UNKL: variants seen among roughly 807,000 people sequenced by gnomAD.
The protein encoded by UNKL is unk like zinc finger.
In UNKL, 60 loss-of-function variants were observed where a neutral mutation model predicts 78.0. The observed-to-expected ratio is 0.77, with a 90% CI of 0.63 to 0.95. UNKL has a LOEUF of 0.95. Among genes scored for constraint, UNKL ranks in the 40% least tolerant of loss-of-function variants. UNKL has a pLI of 0.00. For synonymous variants in UNKL, 608 were observed against 474.8 expected, an observed-to-expected ratio of 1.28 and a Z score of -3.65; for missense variants, 1,159 against 1,045.7, an observed-to-expected ratio of 1.11 and a Z score of -1.49.
At position 1,383,403 on chromosome 16, in the gene UNKL, C is replaced by A. The variant is rs1271537634; in HGVS notation, c.1264+1805G>T. The A allele has an allele frequency of 5.7e-5, 10 of 174,944 alleles. No individual in the cohort carries two copies. The East Asian group carries it at 1.3e-3, about 24-fold the overall frequency. 10.8% of individuals were successfully genotyped at this position (174,944 alleles called of 1,614,324 possible). ...GCCCAGCAGCAACACAGGCCAAGAG[C>A]TGTGCCCAGAAGATGCACCTGGTTG... On this transcript the variant is annotated intron_variant, in intron 10 of 14. Coordinates refer to ENST00000389221, the MANE Select transcript of UNKL (RefSeq NM_001372107.1).
At chr16:1,405,707 G>A (rs894518811) in intron 2 of UNKL, among the ~76,000 whole-genome samples, 10 of 151,938 alleles carry the variant, frequency 6.6e-5, no homozygotes, top group South Asian at 2.1e-4. Context: ...GGGGACGCAC[G>A]AGCCCCCGGG....
chr16:1,386,678 A>C (rs748778090), intron 9 of UNKL, among the ~76,000 whole-genome samples: 20 of 152,194 alleles, frequency 1.3e-4, no homozygotes, highest in Non-Finnish European at 2.9e-5. Context: ...CTCCTTAAGT[A>C]AAACTGTCCA....
At chr16:1,407,018 G>A (rs1396273979) in intron 2 of UNKL, among the ~76,000 whole-genome samples, 3 of 151,770 alleles carry the variant, frequency 2.0e-5, no homozygotes, top group African/African-American at 7.3e-5. Context: ...GCATGGTGGC[G>A]CACGCCTGTA....
chr16:1,389,485 G>A (rs1020622066), intron 9 of UNKL, among the ~76,000 whole-genome samples: 5 of 152,204 alleles, frequency 3.3e-5, no homozygotes, highest in African/African-American at 1.2e-4. Context: ...TGAAGTGGGA[G>A]GACTGCTTCA....
chr16:1,363,426 G>A lies in UNKL; in HGVS notation c.*2814C>T, dbSNP rs116345826. On this transcript the variant is annotated 3_prime_UTR_variant, in exon 15 of 15. Coordinates refer to ENST00000389221, the MANE Select transcript of UNKL (RefSeq NM_001372107.1). ...TCAAACATACAGATTGAGGCTTCCA[G>A]AAATTAATCCACTTGAGGCGTCCAC... 0.1 allele frequency: 36,362 copies of A among 359,132 alleles called. 2,119 individuals are homozygous for A. The highest frequency in any genetic ancestry group is 0.24 in the Middle Eastern group (251 of 1,038). The allele number at this position is 359,132 out of a possible 1,614,324, so 22.2% of individuals were successfully genotyped here. A position where few individuals can be genotyped will look rare whatever the true frequency, so the allele number is the denominator to read the frequency against.
chr16:1,369,059 T>TTTG (rs1390747349), intron 12 of UNKL, among the ~76,000 whole-genome samples: 1 of 113,046 alleles, frequency 8.8e-6, no homozygotes, highest in Non-Finnish European at 1.8e-5. Context: ...GTATTAGTTT[T>TTTG]TTTTTTTTTT....
intron 10 of UNKL, among the ~76,000 whole-genome samples, chr16:1,375,994 GACCACGC>G (rs1464038201): frequency 6.6e-6 from 1 of 152,234 alleles, no homozygotes; most frequent in African/African-American, 2.4e-5. Context: ...AGTGGCAGAG[GACCACGC>G]ACTGAGCGGC....
chr16:1,400,722 CTG>C (rs1190285763), intron 4 of UNKL, among the ~76,000 whole-genome samples: 1 of 151,980 alleles, frequency 6.6e-6, no homozygotes, highest in African/African-American at 2.4e-5. Flanking sequence ...GAGTCTCACT[CTG>C]TCACCCACAC....
chr16:1,406,308 G>A (rs894019325), intron 2 of UNKL, among the ~76,000 whole-genome samples: 10 of 151,874 alleles, frequency 6.6e-5, no homozygotes, highest in Admixed American at 4.6e-4. Flanking sequence ...TGCCTCCTGC[G>A]TTTAAGCGAT....
intron 2 of UNKL, among the ~76,000 whole-genome samples, chr16:1,410,414 C>G (rs1325287766): frequency 6.6e-6 from 1 of 152,176 alleles, no homozygotes; most frequent in African/African-American, 2.4e-5. Context: ...TCGAGACCAG[C>G]CTGACCAACA....
In UNKL at chr16:1,399,135, G is replaced by T; in HGVS notation, c.734+239C>A. On this transcript the variant is annotated intron_variant, in intron 5 of 14. Transcript: ENST00000389221. The surrounding 1 kb of genome is among the most constrained non-coding windows in gnomAD (Gnocchi z 5.8). Reference sequence around the variant, plus strand: ...TCCCCTTGCCTGGCAGAGGGGCCCCGGTAGGGGACTGCATGGGAGACACTG... The same window carrying T: ...TCCCCTTGCCTGGCAGAGGGGCCCCTGTAGGGGACTGCATGGGAGACACTG... The T allele has an allele frequency of 8.7e-7, 1 of 1,146,212 alleles. No individual in the cohort carries two copies. The highest frequency in any genetic ancestry group is 2.6e-5 in the East Asian group (1 of 37,812). The allele number at this position is 1,146,212 out of a possible 1,614,324, so 71.0% of individuals were successfully genotyped here. A position where few individuals can be genotyped will look rare whatever the true frequency, so the allele number is the denominator to read the frequency against.
intron 9 of UNKL, among the ~76,000 whole-genome samples, chr16:1,385,909 C>T (rs746789102): frequency 1.3e-5 from 2 of 152,240 alleles, no homozygotes; most frequent in Non-Finnish European, 2.9e-5. Context: ...CCTGTGACCT[C>T]GTCACCAGGG....
In UNKL at chr16:1,365,403, T is replaced by C. The variant is rs945319922; in HGVS notation, c.*837A>G. The C allele has an allele frequency of 3.3e-5, 5 of 152,288 alleles. No individual in the cohort carries two copies. Among genetic ancestry groups the C allele is most frequent in the Admixed American group, 1.3e-4 (2 of 15,284 alleles). The allele number at this position is 152,288 out of a possible 1,614,324, so 9.4% of individuals were successfully genotyped here. On this transcript the variant is annotated 3_prime_UTR_variant, in exon 15 of 15. Coordinates refer to ENST00000389221, the MANE Select transcript of UNKL (RefSeq NM_001372107.1). ...GGGTTAAGGGAGAAAACAAAACCCA[T>C]GATGCTCCTTCACTTGCTCTCCGAG...
At chr16:1,368,062 T>G in intron 12 of UNKL, 1 of 595,104 alleles carries the variant, frequency 1.7e-6, no homozygotes, top group South Asian at 2.0e-5. Context: ...CAGTGACACC[T>G]GCCCCGGCCG....
At chr16:1,374,362 GTGC>G (rs1337397057) in intron 10 of UNKL, among the ~76,000 whole-genome samples, 2 of 152,192 alleles carry the variant, frequency 1.3e-5, no homozygotes, top group African/African-American at 4.8e-5. Context: ...ACTGGACAGT[GTGC>G]TGCTGAGGCC....
At chr16:1,404,372 C>G (rs1200565411) in intron 2 of UNKL, among the ~76,000 whole-genome samples, 1 of 152,196 alleles carries the variant, frequency 6.6e-6, no homozygotes, top group South Asian at 2.1e-4. Flanking sequence ...GGCTGGGGAC[C>G]AAGAGCGATT....
At chr16:1,413,748 T>TATGG in intron 2 of UNKL, 98 bp downstream of exon 2, 3 of 1,304,438 alleles carry the variant, frequency 2.3e-6, no homozygotes, top group Non-Finnish European at 3.1e-6. Context: ...AGGGGCCAGG[T>TATGG]ATGGACACTA....
At chr16:1,376,106 C>G (rs551549904) in intron 10 of UNKL, among the ~76,000 whole-genome samples, 10 of 135,048 alleles carry the variant, frequency 7.4e-5, no homozygotes, top group Non-Finnish European at 1.1e-4. Flanking sequence ...TCCTCCCTCA[C>G]TCCAAGGCTG....
At position 1,379,695 on chromosome 16, in the gene UNKL, C is replaced by T. The variant is rs1214743174; in HGVS notation, c.1264+5513G>A. 11 of 982,894 alleles carry T rather than the reference C, an allele frequency of 1.1e-5. No individual in the cohort carries two copies. The Admixed American group carries it at 3.1e-4, about 28-fold the overall frequency. The allele number at this position is 982,894 out of a possible 1,614,324, so 60.9% of individuals were successfully genotyped here. A position where few individuals can be genotyped will look rare whatever the true frequency, so the allele number is the denominator to read the frequency against. Reference sequence around the variant, plus strand: ...GCCGGGGATTCAAACCCGGCCCGCGCCCCGCCCCCTCCGCGCTGGCCCCGC... The same window carrying T: ...GCCGGGGATTCAAACCCGGCCCGCGTCCCGCCCCCTCCGCGCTGGCCCCGC... On this transcript the variant is annotated intron_variant, in intron 10 of 14. Transcript: ENST00000389221.
Sources: gnomAD v4.1 joint callset for allele counts (sites outside exome capture counted in the v4.1 genomes callset) on GRCh38, gnomAD v4.1.1 for gene constraint, Gnocchi (gnomAD v3.1) non-coding constraint, MANE v1.5 for transcripts, NCBI Gene and HGNC (gene_info 2026-07-23, HGNC 2026-07-21) for gene names.